The following STPG2 variants were observed in gnomAD, a reference collection of about 807,000 sequenced individuals.
STPG2 encodes sperm-tail PG-rich repeat-containing protein 2.
STPG2 carries 56 observed loss-of-function variants against 54.2 expected under a neutral mutation model. The observed-to-expected ratio is 1.03, with a 90% CI of 0.83 to 1.29. STPG2 has a LOEUF of 1.29. STPG2 is among the 50% of genes most tolerant of loss of function. STPG2 has a pLI of 0.00. For synonymous variants in STPG2, 200 were observed against 181.8 expected, an observed-to-expected ratio of 1.10 and a Z score of -0.81; for missense variants, 596 against 544.9, an observed-to-expected ratio of 1.09 and a Z score of -0.93.
chr4:97,504,006 C>A (rs59067477), intron 4 of STPG2, among the ~76,000 whole-genome samples: 1 of 137,604 alleles, frequency 7.3e-6, no homozygotes, highest in Non-Finnish European at 1.6e-5. Context: ...AATATATTTT[C>A]ATATTCATAT....
At chr4:98,140,604 A>C (rs1437580740) in intron 1 of STPG2, among the ~76,000 whole-genome samples, 2 of 152,148 alleles carry the variant, frequency 1.3e-5, no homozygotes, top group Non-Finnish European at 2.9e-5. Flanking sequence ...AAGAGTCTAG[A>C]ATAATTCCAA....
chr4:97,506,943 T>TATTAC (rs1158438115), intron 4 of STPG2, among the ~76,000 whole-genome samples: 8 of 152,124 alleles, frequency 5.3e-5, no homozygotes, highest in African/African-American at 1.9e-4. Context: ...ATTGTCATAA[T>TATTAC]ATAATATGTA....
chr4:97,864,627 T>A (rs1040421934), intron 8 of STPG2, among the ~76,000 whole-genome samples: 30 of 152,298 alleles, frequency 2.0e-4, no homozygotes, highest in Admixed American at 5.2e-4. Flanking sequence ...AGAGCCCGCA[T>A]TGCCAAGTCA....
chr4:97,640,149 C>T (rs1255469853), intron 10 of STPG2, among the ~76,000 whole-genome samples: 1 of 151,854 alleles, frequency 6.6e-6, no homozygotes, highest in Non-Finnish European at 1.5e-5. Flanking sequence ...TAGAATGTGC[C>T]CAGAAAGTTT....
At chr4:98,131,766 A>T (rs185443658) in intron 2 of STPG2, among the ~76,000 whole-genome samples, 24 of 152,218 alleles carry the variant, frequency 1.6e-4, no homozygotes, top group Admixed American at 3.9e-4. Flanking sequence ...CAAATTCTTC[A>T]TTTCAATTAA....
chr4:97,927,416 G>C (rs1047211854), intron 8 of STPG2, among the ~76,000 whole-genome samples: 1 of 151,906 alleles, frequency 6.6e-6, no homozygotes, highest in Non-Finnish European at 1.5e-5. Context: ...CTCTTCTACT[G>C]CCTTTCCCAC....
At chr4:97,675,585 G>C (rs1722812828) in intron 10 of STPG2, among the ~76,000 whole-genome samples, 1 of 152,050 alleles carries the variant, frequency 6.6e-6, no homozygotes, top group Admixed American at 6.6e-5. Context: ...TATTCCTTGA[G>C]TGTGCCAAGA....
At chr4:97,804,529 A>G (rs149641049) in intron 9 of STPG2, among the ~76,000 whole-genome samples, 387 of 152,354 alleles carry the variant, frequency 2.5e-3, no homozygotes, top group African/African-American at 8.8e-3. Flanking sequence ...ACACAGTACA[A>G]TGTGTTTGTG....
At chr4:98,057,204 T>G (rs1737510631) in intron 5 of STPG2, among the ~76,000 whole-genome samples, 1 of 152,166 alleles carries the variant, frequency 6.6e-6, no homozygotes, top group Non-Finnish European at 1.5e-5. Flanking sequence ...AAGCTGAGGC[T>G]AAGATGGCTG....
At chr4:97,644,467 A>C (rs1000301366) in intron 10 of STPG2, among the ~76,000 whole-genome samples, 1 of 152,036 alleles carries the variant, frequency 6.6e-6, no homozygotes, top group Admixed American at 6.6e-5. Flanking sequence ...CAACAAATGG[A>C]TCATTTTTTG....
At chr4:97,878,860 C>A (rs2149162612) in intron 8 of STPG2, among the ~76,000 whole-genome samples, 1 of 152,324 alleles carries the variant, frequency 6.6e-6, no homozygotes, top group African/African-American at 2.4e-5. Context: ...CTTCCTCAGG[C>A]TGCAAATTTT....
intron 3 of STPG2, among the ~76,000 whole-genome samples, chr4:98,119,787 T>G (rs1462581450): frequency 6.6e-6 from 1 of 152,112 alleles, no homozygotes; most frequent in Non-Finnish European, 1.5e-5. Flanking sequence ...CCCCTCCTTG[T>G]GCCCATGTGC....
chr4:97,815,336 T>C lies in STPG2; in HGVS notation c.1204+25437A>G, dbSNP rs146514357. Among the ~76,000 whole-genome samples the C allele has an allele frequency of 2.8e-4, 43 of 152,238 alleles. No individual in the cohort carries two copies. In the East Asian group the frequency reaches 7.5e-3, roughly 27 times the overall value. On this transcript the variant is annotated intron_variant, in intron 9 of 10. Transcript: ENST00000295268. Reference sequence around the variant, plus strand: ...GTTTTGGATTTCAGAATTTTTCAGATTTGGGAATATTTGCATTATTATACT... The same window carrying C: ...GTTTTGGATTTCAGAATTTTTCAGACTTGGGAATATTTGCATTATTATACT...
intron 5 of STPG2, among the ~76,000 whole-genome samples, chr4:98,053,170 A>G (rs1016359079): frequency 6.6e-6 from 1 of 152,234 alleles, no homozygotes; most frequent in African/African-American, 2.4e-5. Flanking sequence ...CAAAATGATC[A>G]AAAGGAATTT....
At chr4:97,740,946 C>T (rs942790925) in intron 9 of STPG2, among the ~76,000 whole-genome samples, 1 of 152,146 alleles carries the variant, frequency 6.6e-6, no homozygotes, top group Admixed American at 6.5e-5. Context: ...AGGCATCATG[C>T]TACCTGACTT....
At chr4:97,671,402 A>G (rs1722690761) in intron 10 of STPG2, among the ~76,000 whole-genome samples, 1 of 152,212 alleles carries the variant, frequency 6.6e-6, no homozygotes. Context: ...GTATTTACCA[A>G]TAACATTTTT....
chr4:98,109,369 G>T, intron 3 of STPG2, 64 bp from the exon 4 acceptor site: 1 of 1,265,246 alleles, frequency 7.9e-7, no homozygotes, highest in Non-Finnish European at 1.1e-6. Context: ...ATGAAACAAT[G>T]TTTGGCTTTA....
At chr4:97,929,973 C>T (rs193184717) in intron 8 of STPG2, among the ~76,000 whole-genome samples, 1 of 152,256 alleles carries the variant, frequency 6.6e-6, no homozygotes, top group Admixed American at 6.5e-5. Context: ...GATCTCAGCT[C>T]ACTGCAACCT....
chr4:97,795,730 G>A (rs1335468506), intron 9 of STPG2, among the ~76,000 whole-genome samples: 2 of 152,156 alleles, frequency 1.3e-5, no homozygotes, highest in East Asian at 3.9e-4. Context: ...TGGGATGGCT[G>A]GGTCAAATGG....
Sources: allele counts gnomAD v4.1 joint callset (sites outside exome capture counted in the v4.1 genomes callset), GRCh38; gene constraint gnomAD v4.1.1; transcripts MANE v1.5; gene names NCBI Gene and HGNC (gene_info 2026-07-23, HGNC 2026-07-21).